COL25A1: variants seen among roughly 807,000 people sequenced by gnomAD.
COL25A1 encodes collagen alpha-1(XXV) chain.
Under a neutral mutation model 128.4 loss-of-function variants are expected in COL25A1, and 103 were observed. That is an observed-to-expected ratio of 0.80 (90% CI 0.68 to 0.94). The LOEUF (loss-of-function observed/expected upper bound fraction) is 0.94. Ranked by LOEUF, COL25A1 falls within the 40% of genes least tolerant of loss-of-function variation. The pLI is 0.00. For missense variants in COL25A1, 745 were observed against 840.0 expected, an observed-to-expected ratio of 0.89 and a Z score of 1.40; for synonymous variants, 279 against 277.2, an observed-to-expected ratio of 1.01 and a Z score of -0.06.
chr4:109,096,316 G>T (rs1765395683), intron 3 of COL25A1, among the ~76,000 whole-genome samples: 1 of 152,134 alleles, frequency 6.6e-6, no homozygotes, highest in East Asian at 1.9e-4. Context: ...TTATGATGTT[G>T]GTCCCATATG....
At chr4:109,269,930 A>C (rs999663982) in intron 3 of COL25A1, among the ~76,000 whole-genome samples, 6 of 152,132 alleles carry the variant, frequency 3.9e-5, no homozygotes, top group African/African-American at 1.4e-4. Flanking sequence ...CAAATCAATA[A>C]ATGTAATCCA....
intron 3 of COL25A1, among the ~76,000 whole-genome samples, chr4:109,098,879 A>T (rs1765642749): frequency 6.6e-6 from 1 of 152,226 alleles, no homozygotes; most frequent in African/African-American, 2.4e-5. Flanking sequence ...TTAGGTTGTA[A>T]TTAAAAGCAT....
chr4:109,244,896 G>T (rs536799084), intron 3 of COL25A1, among the ~76,000 whole-genome samples: 2 of 152,106 alleles, frequency 1.3e-5, no homozygotes, highest in Admixed American at 1.3e-4. Context: ...AATATTTTGT[G>T]TCTTGATACC....
chr4:109,190,978 G>C (rs1775556708), intron 3 of COL25A1, among the ~76,000 whole-genome samples: 2 of 152,134 alleles, frequency 1.3e-5, no homozygotes, highest in African/African-American at 4.8e-5. Context: ...AATTATTTTA[G>C]ATCTGTGGCA....
At chr4:108,964,959 C>T (rs76373323) in intron 8 of COL25A1, among the ~76,000 whole-genome samples, 5,382 of 152,138 alleles carry the variant, frequency 0.035, 161 homozygotes, top group Non-Finnish European at 0.053. Flanking sequence ...ACATTCAGTA[C>T]CCAATGAGTA....
At chr4:109,142,695 T>C (rs770263669) in intron 3 of COL25A1, among the ~76,000 whole-genome samples, 1 of 152,156 alleles carries the variant, frequency 6.6e-6, no homozygotes, top group Non-Finnish European at 1.5e-5. Flanking sequence ...CTTTGTTGGC[T>C]TAAAGTCTGT....
chr4:109,004,391 T>C lies in COL25A1; in HGVS notation c.438+5967A>G, dbSNP rs567874901. Among the ~76,000 whole-genome samples the C allele has an allele frequency of 2.8e-4, 33 of 117,638 alleles. No homozygotes were observed. In the South Asian group the frequency reaches 1.0e-2, roughly 36 times the overall value. 77.2% of individuals were successfully genotyped at this position (117,638 alleles called of 152,430 possible). A position where few individuals can be genotyped will look rare whatever the true frequency, so the allele number is the denominator to read the frequency against. ...AATAACATGTGATATAGAAGTAGAA[T>C]TGAGGTTTGTGTTTTTTTTTTTTAA... On this transcript the variant is annotated intron_variant, in intron 6 of 37. Transcript: ENST00000399132.
intron 19 of COL25A1, among the ~76,000 whole-genome samples, chr4:108,877,980 G>A (rs890141557): frequency 9.2e-5 from 14 of 152,096 alleles, no homozygotes; most frequent in Non-Finnish European, 1.3e-4. Context: ...ACATAATGAT[G>A]AGAAGAATCA....
At chr4:109,241,291 T>G (rs891384023) in intron 3 of COL25A1, among the ~76,000 whole-genome samples, 2 of 152,058 alleles carry the variant, frequency 1.3e-5, no homozygotes, top group African/African-American at 4.8e-5. Context: ...TTCCTCTATT[T>G]TGAAGCTACT....
intron 3 of COL25A1, among the ~76,000 whole-genome samples, chr4:109,197,908 T>G (rs1187929681): frequency 2.0e-5 from 3 of 152,128 alleles, no homozygotes; most frequent in Non-Finnish European, 4.4e-5. Flanking sequence ...TAGTGTAAAC[T>G]AAGATGAATA....
At chr4:108,992,082 G>C (rs1245811636) in intron 6 of COL25A1, among the ~76,000 whole-genome samples, 2 of 152,118 alleles carry the variant, frequency 1.3e-5, no homozygotes, top group Non-Finnish European at 2.9e-5. Flanking sequence ...GCAGCCTCAA[G>C]CCCCTGTGTG....
chr4:109,245,797 A>G (rs781616063), intron 3 of COL25A1, among the ~76,000 whole-genome samples: 4 of 152,164 alleles, frequency 2.6e-5, no homozygotes, highest in Non-Finnish European at 5.9e-5. Context: ...AGTTAATACA[A>G]CTATACCCCA....
chr4:108,937,700 T>C, intron 11 of COL25A1, 108 bp downstream of exon 11: 1 of 940,262 alleles, frequency 1.1e-6, no homozygotes, highest in Non-Finnish European at 1.6e-6. Flanking sequence ...TAATTTTCAC[T>C]TTTTTATTAT....
At chr4:108,925,924 T>C (rs1745998273) in intron 11 of COL25A1, among the ~76,000 whole-genome samples, 1 of 152,156 alleles carries the variant, frequency 6.6e-6, no homozygotes, top group Non-Finnish European at 1.5e-5. Context: ...AGGTCCCTAA[T>C]GCACTTCAGA....
At chr4:108,971,395 T>C (rs1000200447) in intron 8 of COL25A1, among the ~76,000 whole-genome samples, 3 of 152,138 alleles carry the variant, frequency 2.0e-5, no homozygotes, top group African/African-American at 7.2e-5. Context: ...TTATAGATAA[T>C]GAGCAAGTAA....
chr4:109,060,852 AT>A (rs1207435565), intron 3 of COL25A1, among the ~76,000 whole-genome samples: 2 of 151,922 alleles, frequency 1.3e-5, no homozygotes, highest in Non-Finnish European at 2.9e-5. Context: ...TTTCATCAGT[AT>A]TTTTTCTTGA....
At chr4:108,885,910 A>T (rs539654999) in intron 18 of COL25A1, among the ~76,000 whole-genome samples, 4 of 152,282 alleles carry the variant, frequency 2.6e-5, no homozygotes, top group African/African-American at 7.2e-5. Flanking sequence ...CCTCCCACCA[A>T]ATGAAAGGAT....
intron 25 of COL25A1, 87 bp downstream of exon 25, chr4:108,852,815 A>T: frequency 1.0e-6 from 1 of 1,000,856 alleles, no homozygotes; most frequent in Non-Finnish European, 1.5e-6. Flanking sequence ...AGATAAAAAC[A>T]ATAGCTACAT....
chr4:109,121,474 A>G (rs1301948894), intron 3 of COL25A1, among the ~76,000 whole-genome samples: 1 of 152,066 alleles, frequency 6.6e-6, no homozygotes, highest in Non-Finnish European at 1.5e-5. Flanking sequence ...AAGATCTAAA[A>G]AGGTAGCTCA....
Sources: allele counts gnomAD v4.1 joint callset (sites outside exome capture counted in the v4.1 genomes callset), GRCh38; gene constraint gnomAD v4.1.1; transcripts MANE v1.5; gene names NCBI Gene and HGNC (gene_info 2026-07-23, HGNC 2026-07-21).